The following GRIA4 variants were observed in gnomAD, a reference collection of about 807,000 sequenced individuals.
GRIA4 encodes the protein glutamate ionotropic receptor AMPA type subunit 4.
In GRIA4, 34 loss-of-function variants were observed where a neutral mutation model predicts 104.0. That is an observed-to-expected ratio of 0.33 (90% CI 0.25 to 0.44). GRIA4 has a LOEUF of 0.44. GRIA4 is among the 20% of genes least tolerant of loss of function. The pLI is 1.00. For missense variants in GRIA4, 750 were observed against 1,096.5 expected (o/e 0.68, Z 4.46); for synonymous variants, 386 against 381.9 (o/e 1.01, Z -0.13).
At chr11:105,817,082 C>A (rs1384191416) in intron 4 of GRIA4, among the ~76,000 whole-genome samples, 1 of 152,046 alleles carries the variant, frequency 6.6e-6, no homozygotes, top group Non-Finnish European at 1.5e-5. Context: ...GTTTGAATCC[C>A]AGCCTCTTCA....
chr11:105,950,333 TG>T (rs1303453476), intron 14 of GRIA4, among the ~76,000 whole-genome samples: 2 of 152,150 alleles, frequency 1.3e-5, no homozygotes, highest in Non-Finnish European at 2.9e-5. Context: ...AATGGATAAT[TG>T]GCTAGAGGAA....
chr11:105,979,519 A>C, intron 16 of GRIA4, 56 bp from the exon 17 acceptor site: 1 of 1,476,788 alleles, frequency 6.8e-7, no homozygotes, highest in South Asian at 1.2e-5. Context: ...ATTGTTGAAG[A>C]AACAGAAATA....
In GRIA4 at chr11:105,926,813, T is replaced by C. The variant is rs1430407536; in HGVS notation, c.1920T>C (p.Ala640=). ...FTLIIISSYT[A]NLAAFLTVER... The stretch of plus-strand genomic sequence containing the variant: ...TCATCATTATATCATCTTATACTGC[T>C]AACCTCGCTGCTTTCCTGACGGTTG... The change falls in exon 13 of 17, where the codon GCT becomes GCC. Residue 640 remains alanine (A), a synonymous_variant. Transcript: ENST00000282499. 6.2e-7 allele frequency: 1 copy of C among 1,610,984 alleles called. No individual in the cohort carries two copies. Among genetic ancestry groups the C allele is most frequent in the East Asian group, 2.2e-5 (1 of 44,834 alleles).
intron 5 of GRIA4, among the ~76,000 whole-genome samples, chr11:105,864,355 G>A (rs1270383622): frequency 1.3e-5 from 2 of 152,110 alleles, no homozygotes; most frequent in Non-Finnish European, 2.9e-5. Context: ...GTTTGTACGT[G>A]TATCTTAAGA....
intron 4 of GRIA4, among the ~76,000 whole-genome samples, chr11:105,782,428 T>A (rs1286450901): frequency 6.6e-6 from 1 of 152,222 alleles, no homozygotes; most frequent in East Asian, 1.9e-4. Context: ...AAATTACTAA[T>A]GGCTTATTAG....
At chr11:105,625,677 G>GA (rs1950869059) in intron 3 of GRIA4, among the ~76,000 whole-genome samples, 1 of 152,008 alleles carries the variant, frequency 6.6e-6, no homozygotes, top group Non-Finnish European at 1.5e-5. Flanking sequence ...GTTCTGTCTG[G>GA]ATGGGAATAT....
intron 5 of GRIA4, among the ~76,000 whole-genome samples, chr11:105,878,327 C>A (rs1332752226): frequency 2.0e-5 from 3 of 152,142 alleles, no homozygotes; most frequent in African/African-American, 7.2e-5. Context: ...CCAACTGGAG[C>A]TCTCCTGTAT....
intron 3 of GRIA4, among the ~76,000 whole-genome samples, chr11:105,643,753 C>T (rs554809083): frequency 6.6e-6 from 1 of 152,298 alleles, no homozygotes; most frequent in East Asian, 1.9e-4. Context: ...CAGTCTTGCT[C>T]TGTCACCCAG....
At chr11:105,961,785 A>G (rs974494554) in intron 14 of GRIA4, among the ~76,000 whole-genome samples, 1 of 152,244 alleles carries the variant, frequency 6.6e-6, no homozygotes, top group Admixed American at 6.5e-5. Context: ...ATACTTTCTT[A>G]TAAGGATAAT....
At chr11:105,645,154 G>C (rs1951489651) in intron 3 of GRIA4, among the ~76,000 whole-genome samples, 1 of 152,200 alleles carries the variant, frequency 6.6e-6, no homozygotes, top group Non-Finnish European at 1.5e-5. Flanking sequence ...AGCCAGAAAA[G>C]AGATGGGTCG....
intron 4 of GRIA4, among the ~76,000 whole-genome samples, chr11:105,856,628 A>G (rs1363571228): frequency 1.3e-5 from 2 of 152,178 alleles, no homozygotes; most frequent in Non-Finnish European, 2.9e-5. Flanking sequence ...CATAGGTCCA[A>G]GTTAAAATCC....
chr11:105,948,878 A>T (rs892270226), intron 14 of GRIA4, among the ~76,000 whole-genome samples: 3 of 151,884 alleles, frequency 2.0e-5, no homozygotes, highest in Admixed American at 1.3e-4. Context: ...GGCATGAGCC[A>T]CCACGCCTGG....
chr11:105,948,595 G>GTTTTTTTTTTTTTTTTTTTTTTTTTTTGT (rs3060323), intron 14 of GRIA4, among the ~76,000 whole-genome samples: 2 of 87,868 alleles, frequency 2.3e-5, no homozygotes, highest in Non-Finnish European at 4.2e-5. Flanking sequence ...TTTTCTTTTT[G>GTTTTTTTTTTTTTTTTTTTTTTTTTTTGT]TTTTTTTTTT....
chr11:105,755,227 T>C (rs1382200717), intron 4 of GRIA4, among the ~76,000 whole-genome samples: 1 of 152,154 alleles, frequency 6.6e-6, no homozygotes, highest in Non-Finnish European at 1.5e-5. Flanking sequence ...CTTTTATTTT[T>C]AAACTGCCTT....
At chr11:105,843,868 T>G (rs773039579) in intron 4 of GRIA4, among the ~76,000 whole-genome samples, 47 of 152,262 alleles carry the variant, frequency 3.1e-4, no homozygotes, top group Admixed American at 2.0e-4. Context: ...CTGGACTTTA[T>G]GTGACCTCCT....
intron 4 of GRIA4, among the ~76,000 whole-genome samples, chr11:105,853,933 A>G (rs1315141013): frequency 6.6e-6 from 1 of 152,212 alleles, no homozygotes; most frequent in Non-Finnish European, 1.5e-5. Flanking sequence ...TTATAAAAGC[A>G]GTTTTATAAA....
At chr11:105,675,891 T>A (rs2135451309) in intron 3 of GRIA4, among the ~76,000 whole-genome samples, 1 of 152,008 alleles carries the variant, frequency 6.6e-6, no homozygotes, top group East Asian at 1.9e-4. Flanking sequence ...ACATTCCAGA[T>A]GTCTTGAGTT....
intron 3 of GRIA4, among the ~76,000 whole-genome samples, chr11:105,689,201 G>T (rs1423691154): frequency 6.6e-6 from 1 of 152,126 alleles, no homozygotes; most frequent in Non-Finnish European, 1.5e-5. Flanking sequence ...ACCAAGAAGA[G>T]ATGGAATTTG....
chr11:105,731,441 G>C (rs998626795), intron 3 of GRIA4, among the ~76,000 whole-genome samples: 7 of 152,144 alleles, frequency 4.6e-5, no homozygotes, highest in Non-Finnish European at 1.0e-4. Context: ...GTGTAAATTA[G>C]TTCAACCATT....
Sources: gnomAD v4.1 joint callset for allele counts (sites outside exome capture counted in the v4.1 genomes callset) on GRCh38, gnomAD v4.1.1 for gene constraint, MANE v1.5 for transcripts, NCBI Gene and HGNC (gene_info 2026-07-23, HGNC 2026-07-21) for gene names.